Variants in NUDCD3 observed in about 807,000 individuals in gnomAD.
NUDCD3 encodes nudC domain-containing protein 3.
A neutral mutation model predicts 39.7 loss-of-function variants in NUDCD3; 13 were observed. The observed-to-expected ratio is 0.33, with a 90% CI of 0.21 to 0.52. The LOEUF is 0.52. Among genes scored for constraint, NUDCD3 ranks in the 20% least tolerant of loss-of-function variants. The probability of loss-of-function intolerance (pLI) is 0.96; values close to 1 mark genes in which losing one functional copy is unlikely to be tolerated. For missense variants in NUDCD3, 453 were observed against 458.1 expected, an observed-to-expected ratio of 0.99 and a Z score of 0.10; for synonymous variants, 175 against 172.4, an observed-to-expected ratio of 1.02 and a Z score of -0.12.
intron 3 of NUDCD3, among the ~76,000 whole-genome samples, chr7:44,411,821 A>G (rs1340788059): frequency 2.0e-5 from 3 of 152,250 alleles, no homozygotes; most frequent in Admixed American, 6.5e-5. Flanking sequence ...GACAGAAAAC[A>G]TATGTCCAGA....
intron 4 of NUDCD3, among the ~76,000 whole-genome samples, chr7:44,393,452 A>G (rs1184364931): frequency 6.6e-6 from 1 of 152,200 alleles, no homozygotes; most frequent in Non-Finnish European, 1.5e-5. Context: ...CCCTGGCCAC[A>G]CCATGCCCTG....
rs529735955 is a variant in NUDCD3, at chr7:44,403,286, T to C, written c.786+1154A>G. Among the ~76,000 whole-genome samples, 7 of 152,320 alleles carry C rather than the reference T, an allele frequency of 4.6e-5. 1 individual carries two copies. The South Asian group carries it at 1.5e-3, about 32-fold the overall frequency. ...TGGGATGGGCCAGTCCAAGCCCCATTGCTGGAAACTCTACACATCACACAT... is the reference window on the plus strand; with the variant it reads ...TGGGATGGGCCAGTCCAAGCCCCATCGCTGGAAACTCTACACATCACACAT... On this transcript the variant is annotated intron_variant, in intron 4 of 5. Transcript: ENST00000355451.
intron 1 of NUDCD3, 97 bp from the exon 2 acceptor site, chr7:44,485,381 A>T (rs966088712): frequency 7.2e-6 from 8 of 1,109,368 alleles, no homozygotes; most frequent in Non-Finnish European, 8.9e-6. Flanking sequence ...GAGAGAACTA[A>T]AAGTCAGAAA....
At position 44,383,394 on chromosome 7, in the gene NUDCD3, A is replaced by T. The variant is rs2116850011; in HGVS notation, c.*2617T>A. On this transcript the variant is annotated 3_prime_UTR_variant, in exon 6 of 6. Coordinates refer to ENST00000355451, the MANE Select transcript of NUDCD3 (RefSeq NM_015332.4). ...CATTCTTTTTCTCCCCACTGGTCAA[A>T]ATCTTACAGGATTTCTAAAGCTGTA... is the stretch of plus-strand genomic sequence containing the variant. 1 of 152,322 alleles carries T rather than the reference A, an allele frequency of 6.6e-6. No homozygotes were observed. The highest frequency in any genetic ancestry group is 2.4e-5 in the African/African-American group (1 of 41,560). The allele number at this position is 152,322 out of a possible 1,614,324, so 9.4% of individuals were successfully genotyped here. A position where few individuals can be genotyped will look rare whatever the true frequency, so the allele number is the denominator to read the frequency against.
At chr7:44,452,260 T>C (rs1799807785) in intron 2 of NUDCD3, among the ~76,000 whole-genome samples, 1 of 152,148 alleles carries the variant, frequency 6.6e-6, no homozygotes, top group South Asian at 2.1e-4. Context: ...CTAGCCAACA[T>C]GGCGAAAACC....
chr7:44,477,822 C>CTTT (rs938640330), intron 2 of NUDCD3, among the ~76,000 whole-genome samples: 56 of 94,114 alleles, frequency 6.0e-4, no homozygotes, highest in African/African-American at 6.9e-4. Context: ...ATGAACAATT[C>CTTT]TTTTTTTTTT....
intron 3 of NUDCD3, among the ~76,000 whole-genome samples, chr7:44,422,832 A>T (rs1217080940): frequency 3.9e-5 from 6 of 152,190 alleles, no homozygotes; most frequent in Admixed American, 6.5e-5. Flanking sequence ...CCTGGCAGAG[A>T]CACAACAAAA....
intron 2 of NUDCD3, among the ~76,000 whole-genome samples, chr7:44,429,183 C>T (rs557107753): frequency 1.4e-3 from 213 of 152,268 alleles, no homozygotes; most frequent in African/African-American, 4.9e-3. Context: ...CTGGGCTGGG[C>T]AATAGTGGCT....
intron 3 of NUDCD3, among the ~76,000 whole-genome samples, chr7:44,412,951 A>AAAAAAAAAAAAAG (rs1554489215): frequency 6.9e-6 from 1 of 144,392 alleles, no homozygotes; most frequent in Non-Finnish European, 1.5e-5. Context: ...AAGAAAAAAA[A>AAAAAAAAAAAAAG]AAAGAAAGAA....
intron 2 of NUDCD3, among the ~76,000 whole-genome samples, chr7:44,469,657 T>G (rs1175844153): frequency 6.6e-6 from 1 of 152,172 alleles, no homozygotes; most frequent in African/African-American, 2.4e-5. Context: ...TTCAGCCAAA[T>G]GATCACAGTT....
intron 2 of NUDCD3, among the ~76,000 whole-genome samples, chr7:44,455,793 G>A (rs926995025): frequency 1.3e-5 from 2 of 151,908 alleles, no homozygotes; most frequent in African/African-American, 4.8e-5. Context: ...TTGGGAGGCC[G>A]AGGCGGGCGG....
chr7:44,437,038 T>C (rs1165362972), intron 2 of NUDCD3, among the ~76,000 whole-genome samples: 2 of 151,652 alleles, frequency 1.3e-5, no homozygotes, highest in Non-Finnish European at 2.9e-5. Flanking sequence ...TTTTATTCTC[T>C]ACTTGTTATT....
intron 5 of NUDCD3, among the ~76,000 whole-genome samples, chr7:44,391,357 G>C (rs1585049020): frequency 6.6e-6 from 1 of 152,142 alleles, no homozygotes; most frequent in African/African-American, 2.4e-5. Flanking sequence ...AAATAGGCAA[G>C]AACGGACGAG....
At chr7:44,426,620 C>T (rs1476917646) in intron 3 of NUDCD3, among the ~76,000 whole-genome samples, 1 of 151,946 alleles carries the variant, frequency 6.6e-6, no homozygotes, top group Admixed American at 6.5e-5. Context: ...AACAGTGAAA[C>T]CCCGTCTCTA....
chr7:44,480,092 C>T (rs1009907593), intron 2 of NUDCD3, among the ~76,000 whole-genome samples: 1 of 152,200 alleles, frequency 6.6e-6, no homozygotes, highest in African/African-American at 2.4e-5. Context: ...ATATCCAAGT[C>T]TTCACTCTAT....
At chr7:44,434,071 C>T (rs576942500) in intron 2 of NUDCD3, among the ~76,000 whole-genome samples, 1 of 152,226 alleles carries the variant, frequency 6.6e-6, no homozygotes, top group South Asian at 2.1e-4. Flanking sequence ...AAAAATGACC[C>T]ATCCTTGAGG....
chr7:44,441,785 A>G (rs1799590188), intron 2 of NUDCD3, among the ~76,000 whole-genome samples: 1 of 152,164 alleles, frequency 6.6e-6, no homozygotes, highest in African/African-American at 2.4e-5. Flanking sequence ...ATCAAAAGTG[A>G]TTAAGTGGCT....
chr7:44,413,916 A>T (rs766796900), intron 3 of NUDCD3, among the ~76,000 whole-genome samples: 20 of 152,088 alleles, frequency 1.3e-4, no homozygotes, highest in Non-Finnish European at 2.5e-4. Context: ...TCAGCTGGGC[A>T]TGGTGGTGCA....
intron 2 of NUDCD3, among the ~76,000 whole-genome samples, chr7:44,450,915 A>C (rs2116934579): frequency 6.6e-6 from 1 of 152,358 alleles, no homozygotes; most frequent in Middle Eastern, 3.4e-3. Flanking sequence ...TCAATAGATG[A>C]ATAGACAAAA....
Sources: gnomAD v4.1 joint callset for allele counts (sites outside exome capture counted in the v4.1 genomes callset) on GRCh38, gnomAD v4.1.1 for gene constraint, MANE v1.5 for transcripts, NCBI Gene and HGNC (gene_info 2026-07-23, HGNC 2026-07-21) for gene names.